The following NALCN variants were observed in gnomAD, a reference collection of about 807,000 sequenced individuals.
NALCN encodes the protein sodium leak channel NALCN.
Under a neutral mutation model 225.3 loss-of-function variants are expected in NALCN, and 111 were observed. The observed-to-expected ratio is 0.49, with a 90% CI of 0.42 to 0.58. NALCN has a LOEUF of 0.58. Ranked by LOEUF, NALCN falls within the 20% of genes least tolerant of loss-of-function variation. The pLI is 0.00. For synonymous variants in NALCN, 764 were observed against 769.0 expected (o/e 0.99, Z 0.11); for missense variants, 1,378 against 2,202.4 (o/e 0.63, Z 7.49).
chr13:101,353,707 A>G (rs1171699622), intron 6 of NALCN, among the ~76,000 whole-genome samples: 1 of 152,180 alleles, frequency 6.6e-6, no homozygotes, highest in Non-Finnish European at 1.5e-5. Context: ...GTATTTTAAT[A>G]TGATTTTCCC....
intron 15 of NALCN, 113 bp downstream of exon 15, chr13:101,176,187 T>C: frequency 6.2e-6 from 4 of 646,566 alleles, no homozygotes; most frequent in Non-Finnish European, 9.6e-6. Context: ...TTCGATAGCC[T>C]TATTACATTT....
chr13:101,150,161 GTA>G (rs2037572163), intron 15 of NALCN, among the ~76,000 whole-genome samples: 1 of 151,562 alleles, frequency 6.6e-6, no homozygotes, highest in Non-Finnish European at 1.5e-5. Flanking sequence ...ACTGTTGTAT[GTA>G]CTCCATTCCA....
intron 14 of NALCN, among the ~76,000 whole-genome samples, chr13:101,177,776 T>C (rs1446019040): frequency 6.6e-6 from 1 of 152,174 alleles, no homozygotes; most frequent in Non-Finnish European, 1.5e-5. Context: ...TTTGTTAATA[T>C]TAGGTGGTTA....
chr13:101,184,926 T>A (rs975283933), intron 14 of NALCN, among the ~76,000 whole-genome samples: 17 of 152,184 alleles, frequency 1.1e-4, no homozygotes, highest in African/African-American at 3.9e-4. Flanking sequence ...CTTAAAGATG[T>A]CCCTTTAGCT....
intron 13 of NALCN, among the ~76,000 whole-genome samples, chr13:101,224,875 T>C (rs371501521): frequency 6.6e-6 from 1 of 152,174 alleles, no homozygotes; most frequent in East Asian, 1.9e-4. Context: ...AATTTCCCTG[T>C]AGGGTCCTTA....
intron 34 of NALCN, among the ~76,000 whole-genome samples, chr13:101,079,720 A>C (rs1381667082): frequency 6.6e-6 from 1 of 152,230 alleles, no homozygotes; most frequent in Non-Finnish European, 1.5e-5. Flanking sequence ...CTCAGTTACT[A>C]GTACTGTGTC....
intron 6 of NALCN, among the ~76,000 whole-genome samples, chr13:101,349,694 T>C (rs2045851426): frequency 6.6e-6 from 1 of 152,202 alleles, no homozygotes; most frequent in African/African-American, 2.4e-5. Flanking sequence ...CTCTGAGCTC[T>C]GTCTTTGACC....
intron 2 of NALCN, among the ~76,000 whole-genome samples, chr13:101,398,151 T>C (rs906758241): frequency 1.3e-5 from 2 of 152,068 alleles, no homozygotes; most frequent in Admixed American, 6.6e-5. Context: ...ATGAAGGTAA[T>C]AGGGATGCTT....
chr13:101,154,528 T>C (rs1053185117), intron 15 of NALCN, among the ~76,000 whole-genome samples: 1 of 152,218 alleles, frequency 6.6e-6, no homozygotes, highest in African/African-American at 2.4e-5. Flanking sequence ...TCTCCCTCTG[T>C]TGCACCTTGC....
chr13:101,201,275 C>G (rs2040111774), intron 13 of NALCN, among the ~76,000 whole-genome samples: 2 of 152,164 alleles, frequency 1.3e-5, no homozygotes. Context: ...GCCATTACCA[C>G]TATCTAATTT....
intron 6 of NALCN, among the ~76,000 whole-genome samples, chr13:101,364,513 A>AT (rs2046330444): frequency 1.3e-5 from 2 of 152,144 alleles, no homozygotes; most frequent in Admixed American, 1.3e-4. Context: ...TCTCACTCAT[A>AT]TTTAGGCCTT....
intron 31 of NALCN, among the ~76,000 whole-genome samples, chr13:101,083,499 A>G (rs2033769756): frequency 6.6e-6 from 1 of 152,182 alleles, no homozygotes; most frequent in East Asian, 1.9e-4. Context: ...TTTTTTCATT[A>G]AGGCTTAGTC....
intron 6 of NALCN, among the ~76,000 whole-genome samples, chr13:101,346,087 C>CTCTATATA: frequency 6.6e-4 from 47 of 70,960 alleles, no homozygotes; most frequent in Admixed American, 1.2e-3. Context: ...CTCTCTCTCT[C>CTCTATATA]TATATATATA....
intron 14 of NALCN, among the ~76,000 whole-genome samples, chr13:101,182,133 C>CAA (rs34387567): frequency 0.042 from 3,101 of 73,102 alleles, 288 homozygotes; most frequent in Non-Finnish European, 0.051. Context: ...GACTCCATCT[C>CAA]AAAAAAAAAA....
chr13:101,083,868 G>T, intron 30 of NALCN, 64 bp from the exon 31 acceptor site: 1 of 1,484,990 alleles, frequency 6.7e-7, no homozygotes, highest in Non-Finnish European at 9.3e-7. Flanking sequence ...GAACATGGCA[G>T]ATGGGGTGCC....
At chr13:101,231,311 A>G (rs1282502534) in intron 12 of NALCN, among the ~76,000 whole-genome samples, 1 of 152,244 alleles carries the variant, frequency 6.6e-6, no homozygotes. Flanking sequence ...TTTGTTTAAC[A>G]AACCTTTATT....
chr13:101,284,813 G>A (rs532526079), intron 9 of NALCN, among the ~76,000 whole-genome samples: 1 of 151,976 alleles, frequency 6.6e-6, no homozygotes, highest in Non-Finnish European at 1.5e-5. Flanking sequence ...TTATCTCCTA[G>A]GTATCATCAC....
intron 7 of NALCN, among the ~76,000 whole-genome samples, chr13:101,304,772 T>G (rs1200169356): frequency 4.0e-5 from 6 of 149,948 alleles, no homozygotes; most frequent in African/African-American, 1.5e-4. Context: ...TTTTTTTTTT[T>G]TTGAGACGGA....
intron 17 of NALCN, among the ~76,000 whole-genome samples, chr13:101,127,052 G>A (rs991387075): frequency 6.6e-6 from 1 of 152,212 alleles, no homozygotes. Context: ...ACATGTGTTA[G>A]TTGTCTTTCC....
Sources: gnomAD v4.1 joint callset for allele counts (sites outside exome capture counted in the v4.1 genomes callset) on GRCh38, gnomAD v4.1.1 for gene constraint, MANE v1.5 for transcripts, NCBI Gene and HGNC (gene_info 2026-07-23, HGNC 2026-07-21) for gene names.